Variants in DSTYK observed in about 807,000 individuals in gnomAD.
The protein encoded by DSTYK is dual serine/threonine and tyrosine protein kinase.
Under a neutral mutation model 98.7 loss-of-function variants are expected in DSTYK, and 34 were observed. That is an observed-to-expected ratio of 0.34 (90% CI 0.26 to 0.46). DSTYK has a LOEUF of 0.46. Ranked by LOEUF, DSTYK falls within the 20% of genes least tolerant of loss-of-function variation. The probability of loss-of-function intolerance (pLI) is 1.00; values close to 1 mark genes in which losing one functional copy is unlikely to be tolerated. For synonymous variants in DSTYK, 462 were observed against 457.3 expected, an observed-to-expected ratio of 1.01 and a Z score of -0.13; for missense variants, 962 against 1,181.7, an observed-to-expected ratio of 0.81 and a Z score of 2.73.
intron 2 of DSTYK, among the ~76,000 whole-genome samples, chr1:205,186,694 T>A (rs1048251870): frequency 1.3e-5 from 2 of 152,124 alleles, no homozygotes; most frequent in Admixed American, 6.6e-5. Flanking sequence ...AACTATCCAG[T>A]AGGAAAGGAA....
intron 7 of DSTYK, 120 bp from the exon 8 acceptor site, chr1:205,160,390 C>T: frequency 2.2e-6 from 2 of 927,250 alleles, no homozygotes; most frequent in South Asian, 1.7e-5. Flanking sequence ...AGCAGGAGTG[C>T]AGTGGCATGA....
chr1:205,187,587 C>A lies in DSTYK; in HGVS notation c.485G>T (p.Arg162Leu), dbSNP rs144353653. Residue 162 changes from arginine to leucine, a missense_variant, in exon 2 of 13, where the codon CGG (arginine) becomes CTG (leucine). Physicochemically the swap from Arg to Leu is moderately radical, Grantham distance 102 (BLOSUM62 -2). Around this residue, in one of 4 missense-constraint regions of DSTYK, gnomAD observed 660 missense variants for 855.0 expected, o/e 0.77. Transcript: ENST00000367162. ...RLRFTYGTQT[R>L]VSLALPGQYE... ...CTGTCCAGGGAGCGCCAGGCTGACC[C>A]GAGTCTGAGTCCCATAGGTGAAGCG... The A allele has an allele frequency of 6.2e-7, 1 of 1,614,138 alleles. No individual in the cohort carries two copies.
At chr1:205,202,185 G>A (rs924746658) in intron 1 of DSTYK, 63 of 558,658 alleles carry the variant, frequency 1.1e-4, no homozygotes, top group Middle Eastern at 1.2e-3. Flanking sequence ...GAGGTAATCC[G>A]TGAAAATGGT....
intron 1 of DSTYK, chr1:205,202,080 G>A (rs1659056186): frequency 2.6e-6 from 1 of 384,400 alleles, no homozygotes; most frequent in Non-Finnish European, 5.0e-6. Context: ...GGGGAGAGGG[G>A]AAAGGGAGAA....
In DSTYK at chr1:205,150,164, C is replaced by T. The variant is rs1028678568; in HGVS notation, c.2467+516G>A. 4.6e-5 allele frequency among the ~76,000 whole-genome samples: 7 copies of T among 152,132 alleles called. No individual in the cohort carries two copies. Among genetic ancestry groups the T allele is most frequent in the African/African-American group, 7.2e-5 (3 of 41,428 alleles). On this transcript the variant is annotated intron_variant, in intron 11 of 12. Coordinates refer to ENST00000367162, the MANE Select transcript of DSTYK (RefSeq NM_015375.3). This position sits in a 1 kb window ranked among gnomAD's most constrained non-coding sequence, Gnocchi z 4.1. ...AGTTCCCTTCTCACCTACCAATTTC[C>T]CAAATCTGACTCAAGTTCTATTCAA...
At chr1:205,186,652 C>T (rs188379137) in intron 2 of DSTYK, among the ~76,000 whole-genome samples, 6 of 152,288 alleles carry the variant, frequency 3.9e-5, no homozygotes, top group Middle Eastern at 3.4e-3. Flanking sequence ...ATAGTCACAT[C>T]CCCATTTGGT....
At position 205,211,483 on chromosome 1, in the gene DSTYK, G is replaced by A. The variant is rs202068245; in HGVS notation, c.53C>T (p.Pro18Leu). The change falls in exon 1 of 13, where the codon CCC becomes CTC. Residue 18 changes from proline to leucine, a missense_variant. This residue lies in a region of DSTYK where 168 missense variants were observed against 120.0 expected (regional missense o/e 1.40). Transcript: ENST00000367162. ...CTCGCGGATCATTCCGCCGCCGCCG[G>A]GGCCGGGACCCGAGACGGGCTCGCT... ...WGSEPVSGPG[P>L]GGGGMIRELC... 670 of 1,585,060 alleles carry A rather than the reference G, an allele frequency of 4.2e-4. 2 individuals carry two copies. The highest frequency in any genetic ancestry group is 2.2e-4 in the Admixed American group (13 of 58,130).
chr1:205,169,760 C>T lies in DSTYK; in HGVS notation c.727G>A (p.Asp243Asn). The T allele has an allele frequency of 6.2e-7, 1 of 1,614,228 alleles. No homozygotes were observed. The highest frequency in any genetic ancestry group is 8.5e-7 in the Non-Finnish European group (1 of 1,180,040). Residue 243 changes from aspartate (D) to asparagine (N), a missense_variant, in exon 3 of 13, where the codon GAT (aspartate) becomes AAT (asparagine). Physicochemically the swap from Asp to Asn is conservative, Grantham distance 23 (BLOSUM62 1). Coordinates refer to ENST00000367162, the MANE Select transcript of DSTYK (RefSeq NM_015375.3). This position sits in a 1 kb window ranked among gnomAD's most constrained non-coding sequence, Gnocchi z 4.0. ...GCATAGGTTATCACAGGCAAGAAATCATTCACCAAGTCACCCAGAACATCC... is the reference window on the plus strand; with the variant it reads ...GCATAGGTTATCACAGGCAAGAAATTATTCACCAAGTCACCCAGAACATCC... Reference protein sequence around the residue: ...TVDVLGDLVNDFLPVITYALH... With the variant: ...TVDVLGDLVNNFLPVITYALH...
chr1:205,183,599 C>T (rs1209077573), intron 2 of DSTYK, among the ~76,000 whole-genome samples: 2 of 152,178 alleles, frequency 1.3e-5, no homozygotes, highest in Non-Finnish European at 2.9e-5. Context: ...TCTTGATTTC[C>T]TTTAGCTAAA....
intron 2 of DSTYK, among the ~76,000 whole-genome samples, chr1:205,181,266 CT>C (rs1408136275): frequency 6.8e-6 from 1 of 147,234 alleles, no homozygotes; most frequent in African/African-American, 2.4e-5. Flanking sequence ...TCTTTCCTAC[CT>C]TTTACCTATC....
chr1:205,170,749 T>C lies in DSTYK; in HGVS notation c.655-917A>G, dbSNP rs1264175408. ...AGGCAATGTCCTTTACAGATAGGGG[T>C]ATCCGATAAGTGGGTGGGGTTTCCA... is the stretch of plus-strand genomic sequence containing the variant. On this transcript the variant is annotated intron_variant, in intron 2 of 12. Coordinates refer to ENST00000367162, the MANE Select transcript of DSTYK (RefSeq NM_015375.3). Among the ~76,000 whole-genome samples the C allele has an allele frequency of 3.3e-5, 5 of 152,130 alleles. No individual in the cohort carries two copies. The East Asian group carries it at 9.6e-4, about 29-fold the overall frequency.
In DSTYK at chr1:205,211,321, C is replaced by T. The variant is rs916529551; in HGVS notation, c.215G>A (p.Gly72Glu). The T allele has an allele frequency of 1.2e-6, 2 of 1,610,464 alleles. No individual in the cohort carries two copies. Among genetic ancestry groups the T allele is most frequent in the African/African-American group, 2.7e-5 (2 of 74,660 alleles). Residue 72 changes from glycine to glutamate, a missense_variant, in exon 1 of 13, where the codon GGG becomes GAG. Coordinates refer to ENST00000367162, the MANE Select transcript of DSTYK (RefSeq NM_015375.3). ...ATCGCCTGCAGGGCCGCGCTCGGCCCCGCCGCCGCCCGTGAGGGAGGAGAG... is the reference window on the plus strand; with the variant it reads ...ATCGCCTGCAGGGCCGCGCTCGGCCTCGCCGCCGCCCGTGAGGGAGGAGAG... The part of the protein sequence containing the change: ...TCLSSLTGGG[G>E]AERGPAGDVA...
intron 9 of DSTYK, among the ~76,000 whole-genome samples, chr1:205,158,822 G>C (rs921524044): frequency 1.3e-5 from 2 of 152,140 alleles, no homozygotes; most frequent in Non-Finnish European, 2.9e-5. Flanking sequence ...AATAGTGCCT[G>C]TCAATTATAC....
intron 2 of DSTYK, among the ~76,000 whole-genome samples, chr1:205,182,498 TAAAAAAAA>T (rs386369411): frequency 1.3e-5 from 1 of 77,738 alleles, no homozygotes; most frequent in Admixed American, 1.7e-4. Flanking sequence ...TTAAAAACGG[TAAAAAAAA>T]AAAAAAAAAA....
In DSTYK at chr1:205,211,439, G is replaced by T. The variant is rs778579455; in HGVS notation, c.97C>A (p.Arg33Ser). The part of the protein sequence containing the change: ...MIRELCRGFG[R>S]YRRYLGRLRQ... ...AGCCGTCCCAGGTAGCGGCGGTAGC[G>T]GCCGAAGCCCCGGCACAGCTCGCGG... is the stretch of plus-strand genomic sequence containing the variant. Residue 33 changes from arginine (R) to serine (S), a missense_variant, in exon 1 of 13, where the codon CGC becomes AGC. Transcript: ENST00000367162. The T allele has an allele frequency of 1.1e-5, 17 of 1,604,182 alleles. No homozygotes were observed. The highest frequency in any genetic ancestry group is 7.7e-5 in the South Asian group (7 of 90,336).
At chr1:205,166,027 A>T (rs111959105) in intron 3 of DSTYK, among the ~76,000 whole-genome samples, 2,448 of 152,206 alleles carry the variant, frequency 0.016, 59 homozygotes, top group African/African-American at 0.055. Context: ...GTCTCAAAAA[A>T]AAATAAATAA....
intron 1 of DSTYK, among the ~76,000 whole-genome samples, chr1:205,192,137 C>T (rs749702759): frequency 2.0e-5 from 3 of 152,140 alleles, no homozygotes; most frequent in African/African-American, 7.2e-5. Context: ...TTTTACATAA[C>T]ATTTATTGAG....
chr1:205,185,133 G>A (rs1308066934), intron 2 of DSTYK, among the ~76,000 whole-genome samples: 2 of 152,038 alleles, frequency 1.3e-5, no homozygotes, highest in East Asian at 1.9e-4. Flanking sequence ...TCTGGAAGGC[G>A]GAGGTTGCAG....
At chr1:205,161,485 A>T in intron 6 of DSTYK, 98 bp from the exon 7 acceptor site, 1 of 1,222,732 alleles carries the variant, frequency 8.2e-7, no homozygotes, top group Non-Finnish European at 1.1e-6. Context: ...CATATAGATA[A>T]TTGTGAGAAT....
Sources: gnomAD v4.1 joint callset for allele counts (sites outside exome capture counted in the v4.1 genomes callset) on GRCh38, gnomAD v4.1.1 for gene constraint, gnomAD v4.1.1 regional missense constraint, Gnocchi (gnomAD v3.1) non-coding constraint, MANE v1.5 for transcripts, NCBI Gene and HGNC (gene_info 2026-07-23, HGNC 2026-07-21) for gene names.